The following SAXO1 variants were observed in gnomAD, a reference collection of about 807,000 sequenced individuals.
SAXO1 encodes 4930500O09Rik.
SAXO1 carries 21 observed loss-of-function variants against 17.5 expected under a neutral mutation model. The ratio of observed to expected loss-of-function variants is 1.20; its 90% CI spans 0.85 to 1.72. The LOEUF (loss-of-function observed/expected upper bound fraction) is 1.72. Ranked by LOEUF, SAXO1 falls within the 40% of genes most tolerant of loss-of-function variation. SAXO1 has a pLI of 0.00. For missense variants in SAXO1, 843 were observed against 596.0 expected (o/e 1.41, Z -4.32); for synonymous variants, 274 against 216.5 (o/e 1.27, Z -2.33).
chr9:18,941,904 C>T, intron 2 of SAXO1, 65 bp from the exon 3 acceptor site: 1 of 1,451,776 alleles, frequency 6.9e-7, no homozygotes, highest in Admixed American at 1.7e-5. Flanking sequence ...GTTTTCTGCT[C>T]AACCCAACTC....
upstream of SAXO1, among the ~76,000 whole-genome samples, chr9:19,037,920 CT>C (rs1454155903): frequency 6.6e-6 from 1 of 152,198 alleles, no homozygotes; most frequent in Non-Finnish European, 1.5e-5. Context: ...AGTACTAGAT[CT>C]GGGATTCAGA....
intron 1 of SAXO1, among the ~76,000 whole-genome samples, chr9:19,021,168 C>T (rs893631298): frequency 4.6e-5 from 7 of 152,224 alleles, no homozygotes; most frequent in African/African-American, 1.7e-4. Context: ...CTGTCACAGG[C>T]TGGACCCAAC....
intron 1 of SAXO1, among the ~76,000 whole-genome samples, chr9:18,998,365 G>C (rs1834098420): frequency 6.6e-6 from 1 of 151,980 alleles, no homozygotes; most frequent in Non-Finnish European, 1.5e-5. Flanking sequence ...AAGAATATCA[G>C]CAATTAAAGA....
chr9:18,963,196 T>C (rs188804128), intron 1 of SAXO1, among the ~76,000 whole-genome samples: 57 of 152,290 alleles, frequency 3.7e-4, no homozygotes, highest in African/African-American at 1.2e-3. Flanking sequence ...GTTTTGGTTA[T>C]CGTAGCCTTG....
At chr9:18,950,524 C>T (rs1157520540) in intron 2 of SAXO1, among the ~76,000 whole-genome samples, 1 of 152,204 alleles carries the variant, frequency 6.6e-6, no homozygotes, top group African/African-American at 2.4e-5. Context: ...CCACCCTTTA[C>T]TTCAGCAAGC....
chr9:19,010,969 A>G (rs1834707553), intron 1 of SAXO1, among the ~76,000 whole-genome samples: 1 of 152,212 alleles, frequency 6.6e-6, no homozygotes, highest in Admixed American at 6.5e-5. Context: ...TTTACACATC[A>G]GGGAACTAAG....
At chr9:18,978,415 A>G (rs967848979) in intron 1 of SAXO1, among the ~76,000 whole-genome samples, 4 of 152,208 alleles carry the variant, frequency 2.6e-5, no homozygotes, top group Non-Finnish European at 5.9e-5. Flanking sequence ...CCTGCTGGGG[A>G]GGAGATGCCC....
chr9:19,011,577 A>G (rs142069211), intron 1 of SAXO1, among the ~76,000 whole-genome samples: 1 of 152,316 alleles, frequency 6.6e-6, no homozygotes, highest in African/African-American at 2.4e-5. Context: ...CTATCGGCAA[A>G]TTGGTGGAAA....
At position 18,950,931 on chromosome 9, in the gene SAXO1, A is replaced by T; in HGVS notation, c.45T>A (p.His15Gln). 4 of 1,611,318 alleles carry T rather than the reference A, an allele frequency of 2.5e-6. No homozygotes were observed. The highest frequency in any genetic ancestry group is 3.4e-6 in the Non-Finnish European group (4 of 1,179,002). The stretch of plus-strand genomic sequence containing the variant: ...TCTTGGTAGGGAGATGTGGACAGTG[A>T]TGCCGCCTATAAAAGACACAGAGTT... ...CICELCSCGR[H>Q]HCPHLPTKIY... is the part of the protein sequence containing the mutation. Residue 15 changes from histidine to glutamine, a missense_variant, in exon 2 of 4, where the codon CAT (histidine) becomes CAA (glutamine). Coordinates refer to ENST00000380534, the MANE Select transcript of SAXO1 (RefSeq NM_153707.4).
intron 1 of SAXO1, among the ~76,000 whole-genome samples, chr9:19,007,057 A>G (rs571125644): frequency 4.6e-5 from 7 of 151,154 alleles, no homozygotes; most frequent in African/African-American, 1.7e-4. Flanking sequence ...AAATAAAAAT[A>G]AAAAAAATAG....
intron 1 of SAXO1, among the ~76,000 whole-genome samples, chr9:18,968,406 G>T (rs1416670646): frequency 6.6e-6 from 1 of 152,162 alleles, no homozygotes; most frequent in African/African-American, 2.4e-5. Flanking sequence ...ATGTGTCAAT[G>T]TTAATGATAG....
At chr9:19,010,245 A>C (rs2130985971) in intron 1 of SAXO1, among the ~76,000 whole-genome samples, 1 of 152,296 alleles carries the variant, frequency 6.6e-6, no homozygotes, top group South Asian at 2.1e-4. Flanking sequence ...GGACGTTCTA[A>C]AACTCCTCAG....
rs187705987 is a variant in SAXO1 at position 19,030,766 on chromosome 9, T to C, written c.38+2105A>G. Among the ~76,000 whole-genome samples the C allele has an allele frequency of 3.4e-4, 52 of 151,960 alleles. 1 individual carries two copies. The highest frequency in any genetic ancestry group is 2.9e-3 in the Admixed American group (44 of 15,264). On this transcript the variant is annotated intron_variant, in intron 1 of 3. Transcript: ENST00000380534. ...GTTCTGTTTGAGGGAGAGTAAGAGA[T>C]GATTCAAAATTTTCACCCAGGGTGA... is the stretch of plus-strand genomic sequence containing the variant.
At chr9:18,973,079 C>G (rs1264424793) in intron 1 of SAXO1, among the ~76,000 whole-genome samples, 2 of 152,202 alleles carry the variant, frequency 1.3e-5, no homozygotes, top group Admixed American at 6.5e-5. Flanking sequence ...AGTCAGAACA[C>G]TGGAAAATAG....
chr9:18,932,881 G>A (rs1036241821), intron 3 of SAXO1, among the ~76,000 whole-genome samples: 1 of 150,352 alleles, frequency 6.7e-6, no homozygotes, highest in African/African-American at 2.5e-5. Context: ...GTTCAGTACT[G>A]ACATCTCGCT....
At chr9:19,027,383 C>A in intron 1 of SAXO1, 1 of 768,428 alleles carries the variant, frequency 1.3e-6, no homozygotes. Context: ...GATGAGAGAC[C>A]CACGGAGCAA....
chr9:19,003,363 T>G (rs997141963), intron 1 of SAXO1, among the ~76,000 whole-genome samples: 2 of 152,170 alleles, frequency 1.3e-5, no homozygotes, highest in Non-Finnish European at 2.9e-5. Context: ...AAGCTACCAT[T>G]GACTTTCTTC....
In SAXO1 at chr9:18,957,270, GTGTCA is replaced by G. The variant is rs1431029899; in HGVS notation, c.39-6338_39-6334del. 2.6e-5 allele frequency among the ~76,000 whole-genome samples: 4 copies of G among 152,170 alleles called. No homozygotes were observed. In the East Asian group the frequency reaches 7.7e-4, roughly 29 times the overall value. On this transcript the variant is annotated intron_variant, in intron 1 of 3. Coordinates refer to ENST00000380534, the MANE Select transcript of SAXO1 (RefSeq NM_153707.4). Reference sequence around the variant, plus strand: ...AACTTTCTTTGCTGCTTAAACGAGAGTGTCATTAGATAAAGCAATAACGGTAATAA... The same window carrying G: ...AACTTTCTTTGCTGCTTAAACGAGAGTTAGATAAAGCAATAACGGTAATAA...
intron 1 of SAXO1, among the ~76,000 whole-genome samples, chr9:18,992,819 A>G (rs917509489): frequency 6.6e-6 from 1 of 151,706 alleles, no homozygotes; most frequent in Non-Finnish European, 1.5e-5. Context: ...CCCAGGCTGG[A>G]GTGCAATGGC....
Sources: allele counts gnomAD v4.1 joint callset (sites outside exome capture counted in the v4.1 genomes callset), GRCh38; gene constraint gnomAD v4.1.1; transcripts MANE v1.5; gene names NCBI Gene and HGNC (gene_info 2026-07-23, HGNC 2026-07-21).